Variants in COMMD10 observed in about 807,000 individuals in gnomAD.
COMMD10 encodes the protein COMM domain-containing protein 10.
In COMMD10, 33 loss-of-function variants were observed where a neutral mutation model predicts 28.9. The observed-to-expected ratio is 1.14, with a 90% CI of 0.87 to 1.53. COMMD10 has a LOEUF of 1.53. COMMD10 is among the 40% of genes most tolerant of loss of function. The pLI is 0.00. For missense variants in COMMD10, 310 were observed against 233.4 expected (o/e 1.33, Z -2.14); for synonymous variants, 110 against 81.7 (o/e 1.35, Z -1.87).
intron 5 of COMMD10, among the ~76,000 whole-genome samples, chr5:116,260,743 A>C (rs1190868385): frequency 6.6e-6 from 1 of 151,822 alleles, no homozygotes; most frequent in East Asian, 1.9e-4. Context: ...ACATTTTTGG[A>C]AAATGAGTTG....
intron 5 of COMMD10, among the ~76,000 whole-genome samples, chr5:116,269,542 G>T (rs1206214806): frequency 6.6e-6 from 1 of 151,564 alleles, no homozygotes; most frequent in Non-Finnish European, 1.5e-5. Flanking sequence ...TTTTCACCTG[G>T]TATTTTTTTT....
At chr5:116,205,912 C>T (rs1006150280) in intron 5 of COMMD10, among the ~76,000 whole-genome samples, 2 of 152,082 alleles carry the variant, frequency 1.3e-5, no homozygotes, top group Non-Finnish European at 2.9e-5. Flanking sequence ...TCTTATTTCC[C>T]GAAAACACTT....
chr5:116,282,987 G>C (rs539365770), intron 5 of COMMD10, among the ~76,000 whole-genome samples: 1 of 151,988 alleles, frequency 6.6e-6, no homozygotes, highest in Non-Finnish European at 1.5e-5. Context: ...TGGGTTTTGT[G>C]GGAACTAAGC....
intron 5 of COMMD10, among the ~76,000 whole-genome samples, chr5:116,166,469 G>C (rs1172056563): frequency 6.6e-6 from 1 of 152,164 alleles, no homozygotes; most frequent in Non-Finnish European, 1.5e-5. Context: ...TTGAAATGCT[G>C]TGCGTTTAGC....
intron 5 of COMMD10, among the ~76,000 whole-genome samples, chr5:116,169,528 C>T (rs570713255): frequency 1.3e-5 from 2 of 152,162 alleles, no homozygotes; most frequent in Middle Eastern, 3.4e-3. Flanking sequence ...CTGGCAGAGA[C>T]ACAACAAAAA....
intron 5 of COMMD10, among the ~76,000 whole-genome samples, chr5:116,149,065 T>C (rs1269958154): frequency 7.1e-6 from 1 of 140,048 alleles, no homozygotes; most frequent in African/African-American, 2.7e-5. Context: ...TGTGTTCTCA[T>C]TGTTCAATTC....
At chr5:116,129,948 G>C (rs1030858380) in intron 4 of COMMD10, among the ~76,000 whole-genome samples, 8 of 150,870 alleles carry the variant, frequency 5.3e-5, no homozygotes, top group African/African-American at 1.9e-4. Flanking sequence ...ATTATTCTCT[G>C]TGAAGCTGTG....
chr5:116,094,207 G>A (rs1750395943), intron 4 of COMMD10, among the ~76,000 whole-genome samples: 1 of 152,070 alleles, frequency 6.6e-6, no homozygotes, highest in African/African-American at 2.4e-5. Context: ...GTACATTAGA[G>A]GAAACAATCA....
intron 5 of COMMD10, among the ~76,000 whole-genome samples, chr5:116,233,862 C>T (rs73259066): frequency 3.7e-4 from 57 of 152,108 alleles, no homozygotes; most frequent in African/African-American, 1.3e-3. Context: ...TTTTAGCTCT[C>T]GTTTTCAGAT....
intron 5 of COMMD10, among the ~76,000 whole-genome samples, chr5:116,202,786 G>A (rs997500983): frequency 1.3e-5 from 2 of 151,100 alleles, no homozygotes; most frequent in Non-Finnish European, 2.9e-5. Context: ...CTGGATATTA[G>A]CCCTTTGTCA....
At chr5:116,215,471 G>A (rs749643887) in intron 5 of COMMD10, among the ~76,000 whole-genome samples, 1 of 151,498 alleles carries the variant, frequency 6.6e-6, no homozygotes, top group African/African-American at 2.4e-5. Flanking sequence ...GGTGGATCAT[G>A]AGGCCAGGAG....
intron 4 of COMMD10, among the ~76,000 whole-genome samples, chr5:116,112,186 C>G (rs1442305608): frequency 6.6e-6 from 1 of 152,080 alleles, no homozygotes; most frequent in Non-Finnish European, 1.5e-5. Context: ...CTTGATATTT[C>G]TCGATGTAGA....
chr5:116,102,833 C>G (rs1156253454), intron 4 of COMMD10, among the ~76,000 whole-genome samples: 2 of 151,904 alleles, frequency 1.3e-5, no homozygotes, highest in African/African-American at 2.4e-5. Flanking sequence ...CACACCCTGA[C>G]AGGCCCCAGT....
chr5:116,241,179 G>C (rs555254760), intron 5 of COMMD10, among the ~76,000 whole-genome samples: 2 of 152,202 alleles, frequency 1.3e-5, no homozygotes, highest in Non-Finnish European at 2.9e-5. Context: ...ATGAAGTTGA[G>C]TATCATCTTT....
intron 5 of COMMD10, among the ~76,000 whole-genome samples, chr5:116,283,534 A>G (rs1751131745): frequency 6.6e-6 from 1 of 151,488 alleles, no homozygotes; most frequent in Non-Finnish European, 1.5e-5. Context: ...TTTAGTAGAG[A>G]CAGGGTTTCA....
intron 4 of COMMD10, among the ~76,000 whole-genome samples, chr5:116,110,101 A>C (rs1016658502): frequency 2.6e-5 from 4 of 152,198 alleles, no homozygotes; most frequent in African/African-American, 9.6e-5. Context: ...ATTTTATCAA[A>C]TGCTATTTCT....
At chr5:116,186,435 T>G (rs536233805) in intron 5 of COMMD10, among the ~76,000 whole-genome samples, 2 of 152,202 alleles carry the variant, frequency 1.3e-5, no homozygotes, top group South Asian at 4.1e-4. Context: ...CAGTTAATAT[T>G]CTCCTTCTCT....
At chr5:116,276,670 C>A (rs1288634433) in intron 5 of COMMD10, among the ~76,000 whole-genome samples, 1 of 151,776 alleles carries the variant, frequency 6.6e-6, no homozygotes, top group African/African-American at 2.4e-5. Context: ...AATTAAGATA[C>A]AAGCCTTGCT....
chr5:116,291,607 G>A lies in COMMD10; in HGVS notation c.570+31G>A, dbSNP rs769538755. The A allele has an allele frequency of 1.9e-5, 24 of 1,251,908 alleles. No homozygotes were observed. In the East Asian group the frequency reaches 5.4e-4, roughly 28 times the overall value. The allele number at this position is 1,251,908 out of a possible 1,614,324, so 77.5% of individuals were successfully genotyped here. On this transcript the variant is annotated intron_variant, in intron 6 of 6. Transcript: ENST00000274458. ...TATTTTTAAAATAATTTTCTAATATGTGGAGTTTTTTTCATAATATTTTGT... is the reference window on the plus strand; with the variant it reads ...TATTTTTAAAATAATTTTCTAATATATGGAGTTTTTTTCATAATATTTTGT...
Sources: allele counts gnomAD v4.1 joint callset (sites outside exome capture counted in the v4.1 genomes callset), GRCh38; gene constraint gnomAD v4.1.1; transcripts MANE v1.5; gene names NCBI Gene and HGNC (gene_info 2026-07-23, HGNC 2026-07-21).